TBCK: variants seen among roughly 807,000 people sequenced by gnomAD.
TBCK encodes the protein TBC domain-containing protein kinase-like protein.
Under a neutral mutation model 113.4 loss-of-function variants are expected in TBCK, and 99 were observed. That is an observed-to-expected ratio of 0.87 (90% CI 0.74 to 1.03). TBCK has a LOEUF of 1.03. TBCK is among the 50% of genes least tolerant of loss of function. TBCK has a pLI of 0.00. For missense variants in TBCK, 1,045 were observed against 1,061.3 expected, an observed-to-expected ratio of 0.98 and a Z score of 0.21; for synonymous variants, 369 against 370.8, an observed-to-expected ratio of 1.00 and a Z score of 0.05.
chr4:106,276,408 T>C (rs1378096761), intron 3 of TBCK, among the ~76,000 whole-genome samples: 1 of 152,186 alleles, frequency 6.6e-6, no homozygotes, highest in African/African-American at 2.4e-5. Context: ...ACATTAGACT[T>C]GATCACAAAC....
In TBCK at chr4:106,044,586, T is replaced by C. The variant is rs566187409; in HGVS notation, c.*1984A>G. ...GGGTCCTGGGACAACTGGATACTCA[T>C]ATGCAAGAATGAACCTGGACCCCTC... On this transcript the variant is annotated 3_prime_UTR_variant, in exon 26 of 26. Transcript: ENST00000394708. The C allele has an allele frequency of 9.9e-4, 150 of 152,280 alleles. 1 individual carries two copies. The highest frequency in any genetic ancestry group is 3.5e-3 in the African/African-American group (147 of 41,554). The allele number at this position is 152,280 out of a possible 1,614,324, so 9.4% of individuals were successfully genotyped here.
At chr4:106,109,778 C>T (rs549861563) in intron 24 of TBCK, among the ~76,000 whole-genome samples, 19 of 152,056 alleles carry the variant, frequency 1.2e-4, no homozygotes, top group Non-Finnish European at 7.4e-5. Context: ...ACAAATGGGG[C>T]CTAATTAAAC....
chr4:106,053,229 T>C (rs893422825), intron 25 of TBCK, among the ~76,000 whole-genome samples: 1 of 151,622 alleles, frequency 6.6e-6, no homozygotes, highest in African/African-American at 2.4e-5. Context: ...GTTTGTCCTA[T>C]CTCTTTTCAT....
chr4:106,071,266 T>G (rs1481672201), intron 25 of TBCK, among the ~76,000 whole-genome samples: 2 of 152,236 alleles, frequency 1.3e-5, no homozygotes, highest in African/African-American at 4.8e-5. Context: ...CACACTGCTT[T>G]AAATGTGTCC....
At chr4:106,269,150 T>C (rs1397650687) in intron 3 of TBCK, among the ~76,000 whole-genome samples, 1 of 152,112 alleles carries the variant, frequency 6.6e-6, no homozygotes, top group African/African-American at 2.4e-5. Context: ...GAAATACAGA[T>C]GAAATATATT....
chr4:106,171,127 C>T lies in TBCK; in HGVS notation c.2203G>A (p.Ala735Thr). ...GGRSSAPYFSAECPDPPKTDL... is the reference protein window; with the variant it reads ...GGRSSAPYFSTECPDPPKTDL... ...GTCTTTGGAGGATCTGGACACTCAGCAGAGAAATAAGGTGCCGAACTTCTG... is the reference window on the plus strand; with the variant it reads ...GTCTTTGGAGGATCTGGACACTCAGTAGAGAAATAAGGTGCCGAACTTCTG... Residue 735 changes from alanine to threonine, a missense_variant, in exon 23 of 26, where the codon GCT becomes ACT. Ala to Thr is a moderately conservative substitution (Grantham distance 58). Coordinates refer to ENST00000394708, the MANE Select transcript of TBCK (RefSeq NM_001163435.3). 6.2e-7 allele frequency: 1 copy of T among 1,611,394 alleles called. No individual in the cohort carries two copies. Among genetic ancestry groups the T allele is most frequent in the Non-Finnish European group, 8.5e-7 (1 of 1,179,024 alleles).
intron 22 of TBCK, among the ~76,000 whole-genome samples, chr4:106,190,957 G>T (rs563851725): frequency 1.3e-5 from 2 of 152,216 alleles, no homozygotes; most frequent in African/African-American, 4.8e-5. Flanking sequence ...AGCCAGGTTG[G>T]TAAGAAGAAC....
intron 24 of TBCK, among the ~76,000 whole-genome samples, chr4:106,111,313 C>T (rs1344194594): frequency 4.6e-5 from 7 of 152,202 alleles, no homozygotes; most frequent in East Asian, 1.9e-4. Context: ...GCTATTGATG[C>T]TAATTTGCAA....
intron 24 of TBCK, among the ~76,000 whole-genome samples, chr4:106,096,032 G>A (rs1162612683): frequency 6.6e-6 from 1 of 151,668 alleles, no homozygotes; most frequent in African/African-American, 2.4e-5. Flanking sequence ...TAAAGAAAAG[G>A]GTATGACATT....
At chr4:106,194,497 T>C (rs1753997390) in intron 21 of TBCK, among the ~76,000 whole-genome samples, 1 of 152,042 alleles carries the variant, frequency 6.6e-6, no homozygotes, top group Admixed American at 6.6e-5. Flanking sequence ...TGTACAAATA[T>C]CATGAAATGT....
chr4:106,258,989 G>C (rs541677401), intron 5 of TBCK, among the ~76,000 whole-genome samples: 1 of 151,794 alleles, frequency 6.6e-6, no homozygotes, highest in Non-Finnish European at 1.5e-5. Flanking sequence ...GTAAGACTAC[G>C]AATTTATGTA....
chr4:106,146,764 A>G (rs1747853100), intron 23 of TBCK, among the ~76,000 whole-genome samples: 1 of 152,186 alleles, frequency 6.6e-6, no homozygotes. Context: ...TTCTTAAAAT[A>G]AGACAACAGT....
At chr4:106,248,708 T>A (rs1761102439) in intron 8 of TBCK, among the ~76,000 whole-genome samples, 1 of 152,200 alleles carries the variant, frequency 6.6e-6, no homozygotes, top group South Asian at 2.1e-4. Flanking sequence ...CACATAGCAA[T>A]TGCCTAGCTT....
chr4:106,084,848 G>C (rs529879260), intron 25 of TBCK, among the ~76,000 whole-genome samples: 1 of 152,094 alleles, frequency 6.6e-6, no homozygotes, highest in Non-Finnish European at 1.5e-5. Flanking sequence ...CTTCATAAGC[G>C]GAGGAGAGAT....
chr4:106,200,883 A>G (rs747077275), intron 20 of TBCK, among the ~76,000 whole-genome samples: 5 of 152,148 alleles, frequency 3.3e-5, no homozygotes, highest in Non-Finnish European at 7.4e-5. Flanking sequence ...TCATGAGATT[A>G]TATATTTTCT....
Position 106,246,328 on chromosome 4 carries a change from T to C in TBCK, c.931+811A>G, listed in dbSNP as rs1337429080. 2.0e-5 allele frequency among the ~76,000 whole-genome samples: 3 copies of C among 152,192 alleles called. No individual in the cohort carries two copies. In the East Asian group the frequency reaches 5.8e-4, roughly 29 times the overall value. On this transcript the variant is annotated intron_variant, in intron 10 of 25. Coordinates refer to ENST00000394708, the MANE Select transcript of TBCK (RefSeq NM_001163435.3). Reference sequence around the variant, plus strand: ...TTGAATGAATGTTTAGTAACCATTTTCTGCTATGACTTAAGTCATAACAAC... The same window carrying C: ...TTGAATGAATGTTTAGTAACCATTTCCTGCTATGACTTAAGTCATAACAAC...
At chr4:106,159,046 A>C (rs958797936) in intron 23 of TBCK, among the ~76,000 whole-genome samples, 2 of 151,950 alleles carry the variant, frequency 1.3e-5, no homozygotes, top group Non-Finnish European at 2.9e-5. Flanking sequence ...AAAAAAAAAA[A>C]CAACCACATG....
chr4:106,224,932 T>G (rs1365919437), intron 19 of TBCK, among the ~76,000 whole-genome samples: 1 of 152,164 alleles, frequency 6.6e-6, no homozygotes. Flanking sequence ...ACAAGAAAAT[T>G]GAAACCCCCT....
chr4:106,300,449 A>C (rs1341688974), intron 2 of TBCK, among the ~76,000 whole-genome samples: 1 of 152,220 alleles, frequency 6.6e-6, no homozygotes, highest in African/African-American at 2.4e-5. Flanking sequence ...ATGTCTTAAA[A>C]TAATATAAAG....
Sources: allele counts gnomAD v4.1 joint callset (sites outside exome capture counted in the v4.1 genomes callset), GRCh38; gene constraint gnomAD v4.1.1; transcripts MANE v1.5; gene names NCBI Gene and HGNC (gene_info 2026-07-23, HGNC 2026-07-21).